Variants in PLCZ1 observed in about 807,000 individuals in gnomAD.
PLCZ1 encodes 1-phosphatidylinositol 4,5-bisphosphate phosphodiesterase zeta-1.
PLCZ1 carries 64 observed loss-of-function variants against 76.8 expected under a neutral mutation model. That is an observed-to-expected ratio of 0.83 (90% CI 0.68 to 1.03). The LOEUF (loss-of-function observed/expected upper bound fraction) is 1.03. Among genes scored for constraint, PLCZ1 ranks in the 50% least tolerant of loss-of-function variants. The probability of loss-of-function intolerance (pLI) is 0.00; values close to 1 mark genes in which losing one functional copy is unlikely to be tolerated. For missense variants in PLCZ1, 751 were observed against 713.7 expected (o/e 1.05, Z -0.60); for synonymous variants, 248 against 230.8 (o/e 1.07, Z -0.68).
intron 4 of PLCZ1, among the ~76,000 whole-genome samples, chr12:18,720,810 A>T (rs1380347937): frequency 1.3e-5 from 2 of 152,100 alleles, no homozygotes; most frequent in Admixed American, 1.3e-4. Flanking sequence ...AGATAAGTGC[A>T]GGGGAATAAA....
chr12:18,726,525 A>T (rs1364591491), intron 3 of PLCZ1, among the ~76,000 whole-genome samples: 1 of 152,146 alleles, frequency 6.6e-6, no homozygotes, highest in Non-Finnish European at 1.5e-5. Context: ...CTTAATTACT[A>T]TACGTTTAAA....
intron 13 of PLCZ1, among the ~76,000 whole-genome samples, chr12:18,687,469 T>C (rs1366274462): frequency 2.0e-5 from 3 of 152,112 alleles, no homozygotes; most frequent in African/African-American, 7.2e-5. Context: ...TTTTCTAATT[T>C]CCTTAGTCAT....
Position 18,701,520 on chromosome 12 carries a change from ATTACTCCAGGTAACTTTT to A in PLCZ1, c.980_997del (p.Lys327_Val332del). 1 of 1,614,046 alleles carries A rather than the reference ATTACTCCAGGTAACTTTT, an allele frequency of 6.2e-7. No homozygotes were observed. Among genetic ancestry groups the A allele is most frequent in the Non-Finnish European group, 8.5e-7 (1 of 1,179,992 alleles). ...CCTCACCTTCTTTTTCTTGAAAAGCATTACTCCAGGTAACTTTTTTACCCCTGTTTCCTTGTCTTGATT... is the reference window on the plus strand; with the variant it reads ...CCTCACCTTCTTTTTCTTGAAAAGCATTACCCCTGTTTCCTTGTCTTGATT... On this transcript the variant is annotated inframe_deletion, in exon 9 of 15. Transcript: ENST00000266505.
chr12:18,678,675 A>G (rs1411338307), downstream of PLCZ1, among the ~76,000 whole-genome samples: 3 of 152,098 alleles, frequency 2.0e-5, no homozygotes, highest in Non-Finnish European at 4.4e-5. Context: ...TAATGCATGT[A>G]TGAATAGTCT....
the PLCZ1 span, among the ~76,000 whole-genome samples, chr12:18,664,618 A>G: frequency 6.6e-6 from 1 of 151,980 alleles, no homozygotes; most frequent in Non-Finnish European, 1.5e-5. Context: ...AGGGATCTAG[A>G]ACTAGAAAGA....
the PLCZ1 span, among the ~76,000 whole-genome samples, chr12:18,665,181 T>A: frequency 6.4e-3 from 973 of 151,280 alleles, 10 homozygotes; most frequent in African/African-American, 0.022. Flanking sequence ...AAAAAAAAAT[T>A]AAAAAAAATA....
chr12:18,695,103 A>G (rs747459851), intron 11 of PLCZ1, 24 bp from the exon 12 acceptor site: 1 of 1,600,364 alleles, frequency 6.2e-7, no homozygotes, highest in South Asian at 1.1e-5. Flanking sequence ...GTATTTTGAC[A>G]TTGTCAGGTA....
downstream of PLCZ1, among the ~76,000 whole-genome samples, chr12:18,679,602 G>A (rs1246497437): frequency 6.6e-6 from 1 of 151,848 alleles, no homozygotes; most frequent in Non-Finnish European, 1.5e-5. Context: ...CCGAGCCTGT[G>A]TCATTAACAA....
In PLCZ1 at chr12:18,694,893, A is replaced by T. The variant is rs1565668076; in HGVS notation, c.1461+17T>A. On this transcript the variant is annotated intron_variant, in intron 12 of 14. Coordinates refer to ENST00000266505, the MANE Select transcript of PLCZ1 (RefSeq NM_033123.4). ...TATAATAACCAAAAAATGTAAAAGA[A>T]AATTTATTAATCTTACCCTTATTGT... The T allele has an allele frequency of 6.4e-7, 1 of 1,557,850 alleles. No homozygotes were observed. The highest frequency in any genetic ancestry group is 1.4e-5 in the African/African-American group (1 of 73,244).
chr12:18,666,686 G>C, the PLCZ1 span, among the ~76,000 whole-genome samples: 1 of 152,086 alleles, frequency 6.6e-6, no homozygotes, highest in Non-Finnish European at 1.5e-5. Context: ...TAGAATACTT[G>C]AACAATGCTA....
At chr12:18,695,198 A>G (rs531115035) in intron 11 of PLCZ1, 119 bp from the exon 12 acceptor site, 23 of 943,682 alleles carry the variant, frequency 2.4e-5, no homozygotes, top group Middle Eastern at 3.1e-4. Flanking sequence ...ATGAGCAAGT[A>G]TCATTAGCCT....
intron 3 of PLCZ1, among the ~76,000 whole-genome samples, chr12:18,727,993 T>G (rs922533080): frequency 5.3e-5 from 8 of 152,132 alleles, no homozygotes; most frequent in African/African-American, 1.7e-4. Context: ...CCTCTTCAAT[T>G]TCTGCTTAGA....
intron 12 of PLCZ1, chr12:18,692,741 A>T: frequency 1.0e-6 from 1 of 993,154 alleles, no homozygotes; most frequent in East Asian, 2.4e-5. Context: ...AAATGTTAAA[A>T]GCTCTCCCAG....
intron 1 of PLCZ1, 121 bp from the exon 2 acceptor site, chr12:18,737,630 C>A: frequency 1.7e-6 from 1 of 592,294 alleles, no homozygotes; most frequent in South Asian, 1.9e-5. Context: ...GCCCTTGAAA[C>A]TGTTTGGCTT....
chr12:18,667,096 C>T, the PLCZ1 span, among the ~76,000 whole-genome samples: 2 of 151,970 alleles, frequency 1.3e-5, no homozygotes, highest in African/African-American at 4.8e-5. Context: ...AAACACTAGG[C>T]TTAAATGGAG....
intron 4 of PLCZ1, 148 bp from the exon 5 acceptor site, chr12:18,719,780 G>T: frequency 2.1e-6 from 1 of 465,796 alleles, no homozygotes; most frequent in South Asian, 6.7e-5. Context: ...TATTTATGTT[G>T]TTTGGAAACA....
intron 11 of PLCZ1, among the ~76,000 whole-genome samples, chr12:18,695,428 G>A (rs2137172952): frequency 6.6e-6 from 1 of 152,292 alleles, no homozygotes; most frequent in South Asian, 2.1e-4. Context: ...AAGAGGTAAA[G>A]ACATCAACTA....
chr12:18,736,903 T>C (rs1959372952), intron 2 of PLCZ1, among the ~76,000 whole-genome samples: 1 of 151,874 alleles, frequency 6.6e-6, no homozygotes, highest in South Asian at 2.1e-4. Flanking sequence ...GACAGTACCA[T>C]CAAAAAGCAT....
the PLCZ1 span, among the ~76,000 whole-genome samples, chr12:18,650,345 ATATGTG>A: frequency 5.6e-4 from 71 of 127,730 alleles, no homozygotes; most frequent in Admixed American, 2.3e-3. Flanking sequence ...ATATATATAT[ATATGTG>A]TGTGTGTGTG....
Sources: allele counts gnomAD v4.1 joint callset (sites outside exome capture counted in the v4.1 genomes callset), GRCh38; gene constraint gnomAD v4.1.1; transcripts MANE v1.5; gene names NCBI Gene and HGNC (gene_info 2026-07-23, HGNC 2026-07-21).